FCF1: variants seen among roughly 807,000 people sequenced by gnomAD.
FCF1 encodes the protein FCF1 rRNA-processing protein, also known as rRNA-processing protein FCF1 homolog.
Under a neutral mutation model 32.5 loss-of-function variants are expected in FCF1, and 17 were observed. The ratio of observed to expected loss-of-function variants is 0.52; its 90% CI spans 0.36 to 0.78. The LOEUF is 0.78. FCF1 is among the 30% of genes least tolerant of loss of function. The pLI, the probability that FCF1 is intolerant of heterozygous loss-of-function variation, is 0.00. For missense variants in FCF1, 201 were observed against 241.1 expected, an observed-to-expected ratio of 0.83 and a Z score of 1.10; for synonymous variants, 84 against 78.4, an observed-to-expected ratio of 1.07 and a Z score of -0.38.
rs1488980498 is a variant in FCF1, at chr14:74,738,207, G to A, written c.*3277G>A. 2 of 151,968 alleles carry A rather than the reference G, an allele frequency of 1.3e-5. No homozygotes were observed. The highest frequency in any genetic ancestry group is 4.8e-5 in the African/African-American group (2 of 41,374). The allele number at this position is 151,968 out of a possible 1,614,324, so 9.4% of individuals were successfully genotyped here. On this transcript the variant is annotated 3_prime_UTR_variant, in exon 8 of 8. Coordinates refer to ENST00000341162, the MANE Select transcript of FCF1 (RefSeq NM_015962.5). ...ATGATCCACCCCAGCCTCTCAAGTA[G>A]CTGGGATTTTTGTATTTCTTACAGA...
chr14:74,725,884 C>T (rs564174521), intron 5 of FCF1, among the ~76,000 whole-genome samples: 18 of 149,942 alleles, frequency 1.2e-4, no homozygotes, highest in South Asian at 4.2e-4. Flanking sequence ...TGCAGTGAGC[C>T]GAGATCGCGC....
At chr14:74,729,538 C>T (rs948242658) in intron 5 of FCF1, among the ~76,000 whole-genome samples, 3 of 151,824 alleles carry the variant, frequency 2.0e-5, no homozygotes, top group African/African-American at 7.3e-5. Context: ...TTTTGTTGAT[C>T]GTTTCAAAAA....
intron 2 of FCF1, 154 bp downstream of exon 2, chr14:74,713,706 G>C: frequency 1.5e-6 from 1 of 659,548 alleles, no homozygotes; most frequent in Non-Finnish European, 2.7e-6. Flanking sequence ...CAGTAATTTA[G>C]CTGCTGAGCG....
chr14:74,715,695 A>G (rs1475435911), intron 3 of FCF1: 6 of 627,346 alleles, frequency 9.6e-6, no homozygotes. Context: ...GAAGAGCTAG[A>G]TTGGATAATT....
chr14:74,714,823 G>A, intron 2 of FCF1, 49 bp from the exon 3 acceptor site: 1 of 1,493,896 alleles, frequency 6.7e-7, no homozygotes, highest in Non-Finnish European at 8.9e-7. Context: ...GATTTTAATT[G>A]CTGTGGTTTT....
At chr14:74,733,927 A>G in intron 6 of FCF1, 149 bp from the exon 7 acceptor site, 1 of 520,198 alleles carries the variant, frequency 1.9e-6, no homozygotes, top group Non-Finnish European at 3.5e-6. Flanking sequence ...AGATCATAGT[A>G]GGTACTCAAC....
chr14:74,725,861 G>A (rs953420430), intron 5 of FCF1, among the ~76,000 whole-genome samples: 1 of 151,522 alleles, frequency 6.6e-6, no homozygotes, highest in Non-Finnish European at 1.5e-5. Flanking sequence ...GCATGAACCC[G>A]GGAGGCGGAG....
chr14:74,715,127 G>A (rs1350707680), intron 3 of FCF1, among the ~76,000 whole-genome samples, 184 bp downstream of exon 3: 1 of 152,106 alleles, frequency 6.6e-6, no homozygotes, highest in East Asian at 1.9e-4. Context: ...TTATGGAGCA[G>A]TAAAATTTCC....
In FCF1 at chr14:74,713,185, G is replaced by T; in HGVS notation, c.-13G>T. 6.2e-7 allele frequency: 1 copy of T among 1,614,222 alleles called. No individual in the cohort carries two copies. ...GTTGGTGATTACGGAAGAACCAGGA[G>T]TTTGGCGTGACCATGGTGAGAGAAG... is the stretch of plus-strand genomic sequence containing the variant. On this transcript the variant is annotated 5_prime_UTR_variant, in exon 1 of 8. Coordinates refer to ENST00000341162, the MANE Select transcript of FCF1 (RefSeq NM_015962.5).
chr14:74,735,957 A>C lies in FCF1; in HGVS notation c.*1027A>C, dbSNP rs1447179786. 6.5e-6 allele frequency: 1 copy of C among 153,810 alleles called. No homozygotes were observed. The highest frequency in any genetic ancestry group is 1.4e-5 in the Non-Finnish European group (1 of 69,542). 9.5% of individuals were successfully genotyped at this position (153,810 alleles called of 1,614,324 possible). A position where few individuals can be genotyped will look rare whatever the true frequency, so the allele number is the denominator to read the frequency against. ...TCGCTCTGTCACCAGGCTGGAGTGC[A>C]GTGGCGCAATCTCGGCTCATTGCAA... is the stretch of plus-strand genomic sequence containing the variant. On this transcript the variant is annotated 3_prime_UTR_variant, in exon 8 of 8. Transcript: ENST00000341162.
In FCF1 at chr14:74,732,711, T is replaced by G; in HGVS notation, c.366-20T>G. The G allele has an allele frequency of 6.5e-7, 1 of 1,541,856 alleles. No individual in the cohort carries two copies. Among genetic ancestry groups the G allele is most frequent in the Non-Finnish European group, 8.9e-7 (1 of 1,117,634 alleles). The stretch of plus-strand genomic sequence containing the variant: ...GAAAGTTATCCAGCTGATTGAATGT[T>G]TTCTTTAATCCACCTACAGGATTGC... On this transcript the variant is annotated intron_variant, in intron 5 of 7. Transcript: ENST00000341162.
At chr14:74,730,165 A>C (rs147896889) in intron 5 of FCF1, among the ~76,000 whole-genome samples, 1 of 150,976 alleles carries the variant, frequency 6.6e-6, no homozygotes, top group Non-Finnish European at 1.5e-5. Flanking sequence ...GTCTAAAAAC[A>C]TGCAAACCAA....
In FCF1 at chr14:74,719,307, A is replaced by AGAAG. The variant is rs1401632261; in HGVS notation, c.292+3208_292+3209insGAAG. 2.8e-5 allele frequency among the ~76,000 whole-genome samples: 4 copies of AGAAG among 144,610 alleles called. No homozygotes were observed. The East Asian group carries it at 8.4e-4, about 30-fold the overall frequency. 94.9% of individuals were successfully genotyped at this position (144,610 alleles called of 152,430 possible). A position where few individuals can be genotyped will look rare whatever the true frequency, so the allele number is the denominator to read the frequency against. On this transcript the variant is annotated intron_variant, in intron 4 of 7. Coordinates refer to ENST00000341162, the MANE Select transcript of FCF1 (RefSeq NM_015962.5). ...AAGACCCTGTCTTTAAAAAAAAAAAAAAGAAGAAGAAGAAGAAAAGAAAGT... is the reference window on the plus strand; with the variant it reads ...AAGACCCTGTCTTTAAAAAAAAAAAAGAAGAAGAAGAAGAAGAAGAAAAGAAAGT...
At chr14:74,720,351 T>A (rs1041616327) in intron 4 of FCF1, among the ~76,000 whole-genome samples, 1 of 152,170 alleles carries the variant, frequency 6.6e-6, no homozygotes, top group Admixed American at 6.5e-5. Context: ...GCCATCACCC[T>A]GCAACCCTCA....
At position 74,738,007 on chromosome 14, in the gene FCF1, AAAAG is replaced by A. The variant is rs1198022662; in HGVS notation, c.*3079_*3082del. ...ACTCTGTCTCAAAAAAAAAAAAAAAAAAAGAGAGAGAGAAAAAAATTAGTTTCCT... is the reference window on the plus strand; with the variant it reads ...ACTCTGTCTCAAAAAAAAAAAAAAAAAGAGAGAGAAAAAAATTAGTTTCCT... On this transcript the variant is annotated 3_prime_UTR_variant, in exon 8 of 8. Transcript: ENST00000341162. 12 of 151,284 alleles carry A rather than the reference AAAAG, an allele frequency of 7.9e-5. No homozygotes were observed. Among genetic ancestry groups the A allele is most frequent in the African/African-American group, 1.5e-4 (6 of 41,306 alleles). The allele number at this position is 151,284 out of a possible 1,614,324, so 9.4% of individuals were successfully genotyped here.
rs1453881951 is a variant in FCF1 at position 74,736,694 on chromosome 14, T to C, written c.*1764T>C. 1 of 152,178 alleles carries C rather than the reference T, an allele frequency of 6.6e-6. No individual in the cohort carries two copies. Among genetic ancestry groups the C allele is most frequent in the African/African-American group, 2.4e-5 (1 of 41,450 alleles). 9.4% of individuals were successfully genotyped at this position (152,178 alleles called of 1,614,324 possible). A position where few individuals can be genotyped will look rare whatever the true frequency, so the allele number is the denominator to read the frequency against. On this transcript the variant is annotated 3_prime_UTR_variant, in exon 8 of 8. Transcript: ENST00000341162. Reference sequence around the variant, plus strand: ...AATTGTCAATTTACAATAAAAAATTTTTGTTGCGTCTTTTTAGAAATCAGA... The same window carrying C: ...AATTGTCAATTTACAATAAAAAATTCTTGTTGCGTCTTTTTAGAAATCAGA...
intron 5 of FCF1, among the ~76,000 whole-genome samples, chr14:74,732,323 T>C (rs1366971459): frequency 1.3e-5 from 2 of 152,204 alleles, no homozygotes; most frequent in African/African-American, 4.8e-5. Context: ...CTTCACTTAC[T>C]ATAAACTGTG....
intron 5 of FCF1, among the ~76,000 whole-genome samples, chr14:74,728,287 T>C (rs960706041): frequency 4.6e-5 from 7 of 152,296 alleles, no homozygotes; most frequent in Non-Finnish European, 7.4e-5. Flanking sequence ...CATTGAGCAG[T>C]GGTTTGTAAT....
chr14:74,716,560 T>G (rs923267054), intron 4 of FCF1, among the ~76,000 whole-genome samples: 1 of 152,230 alleles, frequency 6.6e-6, no homozygotes, highest in African/African-American at 2.4e-5. Flanking sequence ...TTATTCAGTT[T>G]GGTATTTATT....
Sources: allele counts gnomAD v4.1 joint callset (sites outside exome capture counted in the v4.1 genomes callset), GRCh38; gene constraint gnomAD v4.1.1; transcripts MANE v1.5; gene names NCBI Gene and HGNC (gene_info 2026-07-23, HGNC 2026-07-21).